Variants in NRG1 observed in about 807,000 individuals in gnomAD.
NRG1 encodes neuregulin 1.
A neutral mutation model predicts 63.8 loss-of-function variants in NRG1; 18 were observed. That is an observed-to-expected ratio of 0.28 (90% CI 0.19 to 0.42). The LOEUF is 0.42. NRG1 is among the 10% of genes least tolerant of loss of function. The pLI, the probability that NRG1 is intolerant of heterozygous loss-of-function variation, is 1.00. For missense variants in NRG1, 762 were observed against 814.7 expected (o/e 0.94, Z 0.79); for synonymous variants, 302 against 301.3 (o/e 1.00, Z -0.02).
chr8:31,945,932 G>A (rs1306484156), intron 1 of NRG1, among the ~76,000 whole-genome samples: 1 of 152,180 alleles, frequency 6.6e-6, no homozygotes, highest in African/African-American at 2.4e-5. Flanking sequence ...ATGTTCTGAA[G>A]ATCATTAATA....
chr8:32,147,189 T>A (rs987853492), intron 1 of NRG1, among the ~76,000 whole-genome samples: 1 of 152,184 alleles, frequency 6.6e-6, no homozygotes, highest in Non-Finnish European at 1.5e-5. Context: ...TCTGGAGGAC[T>A]GCTTGACAAT....
chr8:31,797,116 G>A (rs896741389), intron 1 of NRG1, among the ~76,000 whole-genome samples: 3 of 152,140 alleles, frequency 2.0e-5, no homozygotes, highest in African/African-American at 7.2e-5. Context: ...ATTGACATGT[G>A]GGCTTTGAAA....
intron 7 of NRG1, chr8:32,748,831 A>T (rs939865329): frequency 1.1e-5 from 4 of 349,960 alleles, no homozygotes; most frequent in East Asian, 2.1e-4. Flanking sequence ...TACAGAACTT[A>T]TATGAGAAAA....
intron 9 of NRG1, among the ~76,000 whole-genome samples, chr8:32,758,960 G>A (rs1449701510): frequency 6.6e-6 from 1 of 152,158 alleles, no homozygotes; most frequent in Non-Finnish European, 1.5e-5. Context: ...ACAAATGAAT[G>A]TTGGATGGAT....
intron 1 of NRG1, among the ~76,000 whole-genome samples, chr8:31,732,773 T>C (rs934418887): frequency 3.9e-5 from 6 of 152,082 alleles, no homozygotes; most frequent in African/African-American, 1.4e-4. Context: ...TGCGCCCCTG[T>C]AATCTCAGCT....
intron 1 of NRG1, among the ~76,000 whole-genome samples, chr8:31,942,372 A>G (rs1004940410): frequency 4.9e-4 from 75 of 152,302 alleles, no homozygotes; most frequent in African/African-American, 1.8e-3. Flanking sequence ...CTCTTATCCT[A>G]TGCAAAAATC....
chr8:31,764,128 T>C (rs933287159), intron 1 of NRG1, among the ~76,000 whole-genome samples: 1 of 152,160 alleles, frequency 6.6e-6, no homozygotes, highest in East Asian at 1.9e-4. Flanking sequence ...GAGATTAGTC[T>C]TGCCTCTTGT....
chr8:32,096,577 A>G (rs778800682), intron 1 of NRG1, among the ~76,000 whole-genome samples: 2 of 152,208 alleles, frequency 1.3e-5, no homozygotes, highest in Non-Finnish European at 2.9e-5. Flanking sequence ...GAAAAATTCA[A>G]AATTGGGCAT....
chr8:32,027,539 T>C (rs1383718246), intron 1 of NRG1, among the ~76,000 whole-genome samples: 2 of 148,234 alleles, frequency 1.3e-5, no homozygotes, highest in African/African-American at 4.9e-5. Flanking sequence ...TTTTTGCTCA[T>C]GCTTGTGTGT....
intron 1 of NRG1, among the ~76,000 whole-genome samples, chr8:32,182,629 C>G (rs892757736): frequency 1.5e-4 from 23 of 152,102 alleles, no homozygotes; most frequent in Non-Finnish European, 5.9e-5. Context: ...CTCTCACTGT[C>G]TCTCTCTTTC....
intron 1 of NRG1, among the ~76,000 whole-genome samples, chr8:32,336,867 C>T (rs760252611): frequency 4.6e-5 from 7 of 152,130 alleles, no homozygotes; most frequent in Non-Finnish European, 8.8e-5. Flanking sequence ...GCCTCAGCCT[C>T]CCAAAGTGCT....
chr8:31,683,973 A>G (rs911592880), intron 1 of NRG1, among the ~76,000 whole-genome samples: 1 of 152,208 alleles, frequency 6.6e-6, no homozygotes, highest in Non-Finnish European at 1.5e-5. Flanking sequence ...AACATTTTTC[A>G]TAGAGCATAT....
chr8:32,465,726 G>T (rs11778359), intron 1 of NRG1, among the ~76,000 whole-genome samples: 28,624 of 149,512 alleles, frequency 0.19, 2,852 homozygotes, highest in Admixed American at 0.2. Flanking sequence ...CTGAAGAGAA[G>T]TATTCAGGAA....
intron 1 of NRG1, among the ~76,000 whole-genome samples, chr8:32,072,327 G>A (rs1226512333): frequency 6.7e-6 from 1 of 148,644 alleles, no homozygotes; most frequent in Non-Finnish European, 1.5e-5. Context: ...TAGTCATTCT[G>A]TTCCCTTTTG....
At chr8:31,758,221 C>T (rs1362802348) in intron 1 of NRG1, among the ~76,000 whole-genome samples, 2 of 152,050 alleles carry the variant, frequency 1.3e-5, no homozygotes, top group Admixed American at 6.6e-5. Flanking sequence ...ACTCCCACCC[C>T]ACAAAAGGCC....
At chr8:31,915,376 C>G (rs929052057) in intron 1 of NRG1, among the ~76,000 whole-genome samples, 1 of 152,074 alleles carries the variant, frequency 6.6e-6, no homozygotes, top group Admixed American at 6.6e-5. Flanking sequence ...CATGTCAGCT[C>G]TGGTACATGC....
chr8:31,819,291 A>T (rs181684322), intron 1 of NRG1, among the ~76,000 whole-genome samples: 1 of 152,312 alleles, frequency 6.6e-6, no homozygotes, highest in South Asian at 2.1e-4. Context: ...AGTATAAAAC[A>T]AAATCTATCA....
intron 1 of NRG1, among the ~76,000 whole-genome samples, chr8:32,154,786 A>G (rs1004618741): frequency 6.6e-6 from 1 of 152,162 alleles, no homozygotes; most frequent in African/African-American, 2.4e-5. Context: ...ATTCCCTTTC[A>G]TCAGGAAACA....
intron 1 of NRG1, among the ~76,000 whole-genome samples, chr8:31,961,938 G>A (rs1391982849): frequency 6.6e-6 from 1 of 152,032 alleles, no homozygotes; most frequent in African/African-American, 2.4e-5. Context: ...TTTGGGTTTG[G>A]ATTTTCATAT....
Sources: allele counts gnomAD v4.1 joint callset (sites outside exome capture counted in the v4.1 genomes callset), GRCh38; gene constraint gnomAD v4.1.1; transcripts MANE v1.5; gene names NCBI Gene and HGNC (gene_info 2026-07-23, HGNC 2026-07-21).